GPATCH2: variants seen among roughly 807,000 people sequenced by gnomAD.
The protein encoded by GPATCH2 is G-patch domain containing 2, also known as G patch domain-containing protein 2.
In GPATCH2, 51 loss-of-function variants were observed where a neutral mutation model predicts 58.0. The observed-to-expected ratio is 0.88, with a 90% confidence interval of 0.70 to 1.11. GPATCH2 has a LOEUF of 1.11. Ranked by LOEUF, GPATCH2 falls within the 50% of genes most tolerant of loss-of-function variation. The pLI is 0.00. For synonymous variants in GPATCH2, 222 were observed against 218.5 expected (o/e 1.02, Z -0.14); for missense variants, 625 against 652.2 (o/e 0.96, Z 0.45).
intron 5 of GPATCH2, among the ~76,000 whole-genome samples, chr1:217,606,089 C>T (rs1377991236): frequency 6.6e-6 from 1 of 151,910 alleles, no homozygotes; most frequent in Non-Finnish European, 1.5e-5. Context: ...TGTTTGCATG[C>T]ACATGAGCAT....
chr1:217,618,455 G>A (rs976022616), intron 2 of GPATCH2, among the ~76,000 whole-genome samples: 2 of 151,844 alleles, frequency 1.3e-5, no homozygotes, highest in Non-Finnish European at 2.9e-5. Flanking sequence ...TGATCCACCA[G>A]CCTCAGCCTA....
At chr1:217,626,809 G>C (rs1234630964) in intron 1 of GPATCH2, among the ~76,000 whole-genome samples, 1 of 152,044 alleles carries the variant, frequency 6.6e-6, no homozygotes, top group Non-Finnish European at 1.5e-5. Flanking sequence ...ACTTATGCTA[G>C]TTTAGAAAAT....
At chr1:217,449,111 T>C (rs1659535868) in intron 9 of GPATCH2, 138 bp downstream of exon 9, 4 of 634,634 alleles carry the variant, frequency 6.3e-6, no homozygotes, top group African/African-American at 5.5e-5. Flanking sequence ...TGATACCACA[T>C]GCAAATGATT....
chr1:217,602,900 T>C (rs1288020838), intron 5 of GPATCH2, among the ~76,000 whole-genome samples: 3 of 152,194 alleles, frequency 2.0e-5, no homozygotes, highest in African/African-American at 7.2e-5. Flanking sequence ...AAATGAAGAC[T>C]ACTTTATGAA....
intron 5 of GPATCH2, 134 bp downstream of exon 5, chr1:217,610,187 T>C (rs1346079782): frequency 6.3e-7 from 1 of 1,590,268 alleles, no homozygotes; most frequent in African/African-American, 1.4e-5. Context: ...TGGTCCAGTT[T>C]GTAGCCTACA....
chr1:217,472,956 A>G (rs760216817), intron 8 of GPATCH2, among the ~76,000 whole-genome samples: 18 of 152,102 alleles, frequency 1.2e-4, no homozygotes, highest in Non-Finnish European at 2.6e-4. Flanking sequence ...AAGTTCTTTC[A>G]CCACTAAGGT....
chr1:217,543,215 G>C (rs1664841503), intron 5 of GPATCH2, among the ~76,000 whole-genome samples: 1 of 148,126 alleles, frequency 6.8e-6, no homozygotes, highest in South Asian at 2.2e-4. Context: ...TCCAGAGTCA[G>C]TTTTAGATTT....
intron 1 of GPATCH2, among the ~76,000 whole-genome samples, chr1:217,624,585 T>C (rs1669357527): frequency 6.6e-6 from 1 of 152,236 alleles, no homozygotes; most frequent in Admixed American, 6.5e-5. Context: ...TTATTTCCTT[T>C]GCCTTGGCAG....
intron 5 of GPATCH2, among the ~76,000 whole-genome samples, chr1:217,596,472 T>A (rs1389341922): frequency 6.6e-6 from 1 of 152,166 alleles, no homozygotes; most frequent in African/African-American, 2.4e-5. Context: ...GAGGAGATAA[T>A]ATTGACCTAA....
At chr1:217,534,963 T>C (rs145928376) in intron 5 of GPATCH2, among the ~76,000 whole-genome samples, 1 of 152,372 alleles carries the variant, frequency 6.6e-6, no homozygotes, top group Non-Finnish European at 1.5e-5. Flanking sequence ...TCTTGCCTTA[T>C]AGGTAAAAGG....
rs151054015 is a variant in GPATCH2 at position 217,502,978 on chromosome 1, A to G, written c.1167-4583T>C. Among the ~76,000 whole-genome samples, 6 of 152,254 alleles carry G rather than the reference A, an allele frequency of 3.9e-5. No individual in the cohort carries two copies. The East Asian group carries it at 9.7e-4, about 24-fold the overall frequency. On this transcript the variant is annotated intron_variant, in intron 6 of 9. Coordinates refer to ENST00000366935, the MANE Select transcript of GPATCH2 (RefSeq NM_018040.5). ...TTATTCTACCTGCCTGTTTAGGTAC[A>G]AATCTCCAAGTGCTTTCTAGCTCTA...
At chr1:217,496,919 C>A (rs1450868544) in intron 7 of GPATCH2, among the ~76,000 whole-genome samples, 1 of 151,930 alleles carries the variant, frequency 6.6e-6, no homozygotes, top group African/African-American at 2.4e-5. Context: ...AATGGCACAT[C>A]AAAGTTTAAG....
rs965364332 is a variant in GPATCH2 at position 217,612,167 on chromosome 1, C to T, written c.836-1096G>A. ...CAGCCCTCCAGCCTGGACCACAGGG[C>T]GAGACCTTGTGTTAAAAAAAAAAGA... On this transcript the variant is annotated intron_variant, in intron 3 of 9. Transcript: ENST00000366935. Among the ~76,000 whole-genome samples the T allele has an allele frequency of 4.0e-5, 6 of 150,676 alleles. No individual in the cohort carries two copies. The East Asian group carries it at 5.9e-4, about 15-fold the overall frequency.
At position 217,449,298 on chromosome 1, in the gene GPATCH2, A is replaced by G. The variant is rs1659546179; in HGVS notation, c.1317T>C (p.Asp439=). 1.2e-6 allele frequency: 2 copies of G among 1,609,956 alleles called. No homozygotes were observed. The highest frequency in any genetic ancestry group is 2.7e-5 in the African/African-American group (2 of 74,836). ...SMHLGSLCTG[D]IKRRRKAAPL... ...GTGCAGCTTTTCTTCTCCGTTTGAT[A>G]TCTCCCGTGCATAAGGATCCTAAAT... is the stretch of plus-strand genomic sequence containing the variant. The change falls in exon 9 of 10, where the codon GAT becomes GAC. Residue 439 remains aspartate (D), a synonymous_variant. Coordinates refer to ENST00000366935, the MANE Select transcript of GPATCH2 (RefSeq NM_018040.5).
intron 5 of GPATCH2, among the ~76,000 whole-genome samples, chr1:217,563,501 C>T (rs1666033532): frequency 6.6e-6 from 1 of 152,002 alleles, no homozygotes; most frequent in Non-Finnish European, 1.5e-5. Context: ...TATATATCCA[C>T]AAGAAAGAAA....
intron 5 of GPATCH2, among the ~76,000 whole-genome samples, chr1:217,598,709 C>T (rs1466035054): frequency 6.6e-6 from 1 of 152,092 alleles, no homozygotes; most frequent in Non-Finnish European, 1.5e-5. Flanking sequence ...TCGTGATCCA[C>T]CTGCCTCAGC....
At chr1:217,454,632 C>G (rs1045606078) in intron 8 of GPATCH2, among the ~76,000 whole-genome samples, 8 of 150,528 alleles carry the variant, frequency 5.3e-5, no homozygotes, top group Admixed American at 3.3e-4. Flanking sequence ...TTTTTCCTCC[C>G]CTTTTTGAGA....
chr1:217,574,655 A>C (rs934425581), intron 5 of GPATCH2, among the ~76,000 whole-genome samples: 8 of 152,208 alleles, frequency 5.3e-5, no homozygotes, highest in African/African-American at 1.9e-4. Flanking sequence ...TACATATGTT[A>C]TATTCATTAA....
At chr1:217,610,017 CA>C in intron 5 of GPATCH2, 1 of 1,416,580 alleles carries the variant, frequency 7.1e-7, no homozygotes, top group Non-Finnish European at 9.2e-7. Flanking sequence ...AGTCCTCCAG[CA>C]AAAACAGCCC....
Sources: allele counts gnomAD v4.1 joint callset (sites outside exome capture counted in the v4.1 genomes callset), GRCh38; gene constraint gnomAD v4.1.1; transcripts MANE v1.5; gene names NCBI Gene and HGNC (gene_info 2026-07-23, HGNC 2026-07-21).